OPCML: variants seen among roughly 807,000 people sequenced by gnomAD.
OPCML encodes opioid binding protein/cell adhesion molecule like.
A neutral mutation model predicts 37.8 loss-of-function variants in OPCML; 13 were observed. The observed-to-expected ratio is 0.34, with a 90% CI of 0.22 to 0.55. The LOEUF is 0.55. OPCML is among the 20% of genes least tolerant of loss of function. The pLI is 0.91. For synonymous variants in OPCML, 176 were observed against 168.8 expected, an observed-to-expected ratio of 1.04 and a Z score of -0.33; for missense variants, 341 against 435.6, an observed-to-expected ratio of 0.78 and a Z score of 1.93.
At chr11:133,463,189 T>C (rs1399933926) in intron 1 of OPCML, among the ~76,000 whole-genome samples, 5 of 82,486 alleles carry the variant, frequency 6.1e-5, no homozygotes, top group Non-Finnish European at 1.0e-4. Context: ...AAAAAAAAAA[T>C]AGAAAGAAAA....
At chr11:133,343,972 A>G (rs2136676563) in intron 1 of OPCML, among the ~76,000 whole-genome samples, 1 of 152,372 alleles carries the variant, frequency 6.6e-6, no homozygotes, top group African/African-American at 2.4e-5. Flanking sequence ...ATTCTGAACT[A>G]ATTGCCAGAG....
chr11:133,481,334 G>GC (rs1289597575), intron 1 of OPCML, among the ~76,000 whole-genome samples: 1 of 152,014 alleles, frequency 6.6e-6, no homozygotes, highest in African/African-American at 2.4e-5. Flanking sequence ...GAAGAGTCAA[G>GC]CCCAGAAAAG....
intron 1 of OPCML, among the ~76,000 whole-genome samples, chr11:133,033,824 G>A (rs1415540201): frequency 6.6e-6 from 1 of 152,174 alleles, no homozygotes; most frequent in African/African-American, 2.4e-5. Context: ...TTCTAATTAT[G>A]TGGTCACGGG....
rs116896971 is a variant in OPCML, at chr11:133,523,333, T to A, written c.61+8931A>T. 5.7e-3 allele frequency among the ~76,000 whole-genome samples: 863 copies of A among 152,250 alleles called. 7 individuals are homozygous for A. Among genetic ancestry groups the A allele is most frequent in the Non-Finnish European group, 7.9e-3 (540 of 68,016 alleles). ...TGAGGACGGACGCTCTTCTCAGCACTCTCCCAGGAGTGTTGGTGCTGACAG... is the reference window on the plus strand; with the variant it reads ...TGAGGACGGACGCTCTTCTCAGCACACTCCCAGGAGTGTTGGTGCTGACAG... On this transcript the variant is annotated intron_variant, in intron 1 of 7. Coordinates refer to ENST00000524381, the MANE Select transcript of OPCML (RefSeq NM_001012393.5).
At chr11:133,131,300 C>T (rs1030945207) in intron 1 of OPCML, among the ~76,000 whole-genome samples, 26 of 152,238 alleles carry the variant, frequency 1.7e-4, no homozygotes, top group African/African-American at 6.3e-4. Context: ...TGATGTAAGT[C>T]ACAGACCTTA....
At chr11:133,258,206 T>A (rs1780049976) in intron 1 of OPCML, among the ~76,000 whole-genome samples, 1 of 152,184 alleles carries the variant, frequency 6.6e-6, no homozygotes, top group Non-Finnish European at 1.5e-5. Context: ...ATTGCCTGCA[T>A]GCCCTAGCCC....
chr11:133,497,270 T>C (rs1947806226), intron 1 of OPCML, among the ~76,000 whole-genome samples: 1 of 152,222 alleles, frequency 6.6e-6, no homozygotes, highest in African/African-American at 2.4e-5. Flanking sequence ...CTTCAAGCTC[T>C]GAATTTCTTT....
chr11:132,429,556 C>A (rs371439679), intron 7 of OPCML, among the ~76,000 whole-genome samples: 1 of 152,020 alleles, frequency 6.6e-6, no homozygotes, highest in Non-Finnish European at 1.5e-5. Context: ...GCGTTCCCAG[C>A]GGAGAAGGGC....
Position 133,377,214 on chromosome 11 carries a change from G to A in OPCML, c.61+155050C>T, listed in dbSNP as rs551740071. Among the ~76,000 whole-genome samples, 19 of 152,254 alleles carry A rather than the reference G, an allele frequency of 1.2e-4. No individual in the cohort carries two copies. The South Asian group carries it at 3.9e-3, about 32-fold the overall frequency. ...AGAGAACAAAAGAATGAACATAGCTGAAGTCAAAGTTGCTATTGCGGCAGC... is the reference window on the plus strand; with the variant it reads ...AGAGAACAAAAGAATGAACATAGCTAAAGTCAAAGTTGCTATTGCGGCAGC... On this transcript the variant is annotated intron_variant, in intron 1 of 7. Transcript: ENST00000524381.
At chr11:132,642,272 C>A (rs2135725079) in intron 3 of OPCML, among the ~76,000 whole-genome samples, 1 of 152,332 alleles carries the variant, frequency 6.6e-6, no homozygotes, top group Non-Finnish European at 1.5e-5. Context: ...TTCATCTCTT[C>A]ATTCTCTCTC....
chr11:133,325,904 T>C (rs1006412138), intron 1 of OPCML, among the ~76,000 whole-genome samples: 2 of 152,208 alleles, frequency 1.3e-5, no homozygotes, highest in African/African-American at 4.8e-5. Context: ...CTCTTCAGTC[T>C]TTTGTGTGCT....
intron 1 of OPCML, among the ~76,000 whole-genome samples, chr11:133,389,736 A>G (rs1945128795): frequency 6.6e-6 from 1 of 152,220 alleles, no homozygotes; most frequent in Admixed American, 6.5e-5. Context: ...ACATTCTTTG[A>G]AATGGTCTTC....
At chr11:133,020,413 C>G (rs1282619408) in intron 1 of OPCML, among the ~76,000 whole-genome samples, 17 of 152,186 alleles carry the variant, frequency 1.1e-4, no homozygotes, top group African/African-American at 4.1e-4. Context: ...TATCTTTAAC[C>G]CAACTTGTTT....
chr11:133,313,922 C>A (rs575751314), intron 1 of OPCML, among the ~76,000 whole-genome samples: 21 of 152,208 alleles, frequency 1.4e-4, no homozygotes, highest in African/African-American at 4.6e-4. Flanking sequence ...TGAAGAAGTC[C>A]ATTATTTATT....
chr11:132,678,890 T>C (rs1438683731), intron 2 of OPCML, among the ~76,000 whole-genome samples: 4 of 152,054 alleles, frequency 2.6e-5, no homozygotes, highest in Non-Finnish European at 5.9e-5. Context: ...CTGCCAGTGA[T>C]GATGTGTCAT....
chr11:132,502,743 G>T (rs546487719), intron 4 of OPCML, among the ~76,000 whole-genome samples: 1 of 152,176 alleles, frequency 6.6e-6, no homozygotes, highest in Non-Finnish European at 1.5e-5. Context: ...ATGAGAAGGG[G>T]TAATTAAGTA....
At chr11:133,188,394 A>G (rs1938176170) in intron 1 of OPCML, among the ~76,000 whole-genome samples, 1 of 152,212 alleles carries the variant, frequency 6.6e-6, no homozygotes, top group South Asian at 2.1e-4. Context: ...TCTGAGGAAG[A>G]GTGGGGAAAA....
intron 4 of OPCML, among the ~76,000 whole-genome samples, chr11:132,510,061 C>G (rs374456952): frequency 6.6e-6 from 1 of 152,332 alleles, no homozygotes; most frequent in East Asian, 1.9e-4. Context: ...GGGAACCCAC[C>G]TCTTGCATCA....
At position 132,661,217 on chromosome 11, in the gene OPCML, G is replaced by A. The variant is rs114850135; in HGVS notation, c.147-3898C>T. Among the ~76,000 whole-genome samples, 309 of 152,208 alleles carry A rather than the reference G, an allele frequency of 2.0e-3. 3 individuals are homozygous for A. Among genetic ancestry groups the A allele is most frequent in the African/African-American group, 6.9e-3 (288 of 41,524 alleles). On this transcript the variant is annotated intron_variant, in intron 2 of 7. Coordinates refer to ENST00000524381, the MANE Select transcript of OPCML (RefSeq NM_001012393.5). ...TGCTCTTGGACCTGGGCCTCCTTATGGGCCTGGAGTAGAAACAGAAAAGAG... is the reference window on the plus strand; with the variant it reads ...TGCTCTTGGACCTGGGCCTCCTTATAGGCCTGGAGTAGAAACAGAAAAGAG...
Sources: gnomAD v4.1 joint callset for allele counts (sites outside exome capture counted in the v4.1 genomes callset) on GRCh38, gnomAD v4.1.1 for gene constraint, MANE v1.5 for transcripts, NCBI Gene and HGNC (gene_info 2026-07-23, HGNC 2026-07-21) for gene names.